Variants in CREBL2 observed in about 807,000 individuals in gnomAD.
The protein encoded by CREBL2 is cAMP responsive element binding protein like 2, also known as cAMP-responsive element-binding protein-like 2.
Under a neutral mutation model 19.5 loss-of-function variants are expected in CREBL2, and 4 were observed. The observed-to-expected ratio is 0.20, with a 90% confidence interval of 0.10 to 0.47. The LOEUF is 0.47. Among genes scored for constraint, CREBL2 ranks in the 20% least tolerant of loss-of-function variants. The pLI is 0.98. For synonymous variants in CREBL2, 42 were observed against 46.6 expected (o/e 0.90, Z 0.40); for missense variants, 85 against 145.1 (o/e 0.59, Z 2.13).
At chr12:12,618,858 C>T (rs1016042063) in intron 1 of CREBL2, among the ~76,000 whole-genome samples, 5 of 152,212 alleles carry the variant, frequency 3.3e-5, no homozygotes, top group African/African-American at 4.8e-5. Flanking sequence ...GCCAACACAG[C>T]GAAACCCCGT....
chr12:12,616,688 G>GTT lies in CREBL2; in HGVS notation c.15+4502_15+4503dup, dbSNP rs1401051252. On this transcript the variant is annotated intron_variant, in intron 1 of 3. Transcript: ENST00000228865. ...CCAGCCCTGCGTTTTCTGTGCCCTA[G>GTT]TTATAATCCCACAAAATTGTACTGT... Among the ~76,000 whole-genome samples, 9 of 152,300 alleles carry GTT rather than the reference G, an allele frequency of 5.9e-5. No homozygotes were observed. In the East Asian group the frequency reaches 1.7e-3, roughly 29 times the overall value.
At chr12:12,641,928 A>T in intron 3 of CREBL2, 66 bp from the exon 4 acceptor site, 1 of 1,234,266 alleles carries the variant, frequency 8.1e-7, no homozygotes, top group Non-Finnish European at 1.1e-6. Flanking sequence ...TATGCATCTT[A>T]AAACAGATTA....
Position 12,643,258 on chromosome 12 carries a change from C to G in CREBL2, c.*1260C>G, listed in dbSNP as rs1344818764. ...TTCCCCTTGCAGCTACACTTACTTTCTCCCTGACTACCAAATGGAGTGACG... is the reference window on the plus strand; with the variant it reads ...TTCCCCTTGCAGCTACACTTACTTTGTCCCTGACTACCAAATGGAGTGACG... On this transcript the variant is annotated 3_prime_UTR_variant, in exon 4 of 4. Coordinates refer to ENST00000228865, the MANE Select transcript of CREBL2 (RefSeq NM_001310.4). 6.6e-6 allele frequency: 1 copy of G among 152,588 alleles called. No individual in the cohort carries two copies. The highest frequency in any genetic ancestry group is 2.4e-5 in the African/African-American group (1 of 41,432). 9.5% of individuals were successfully genotyped at this position (152,588 alleles called of 1,614,324 possible).
At chr12:12,612,575 C>G (rs1006601110) in intron 1 of CREBL2, among the ~76,000 whole-genome samples, 2 of 152,098 alleles carry the variant, frequency 1.3e-5, no homozygotes, top group Non-Finnish European at 2.9e-5. Flanking sequence ...TGACGATTCC[C>G]CTTCTCTCAG....
Position 12,620,170 on chromosome 12 carries a change from G to A in CREBL2, c.15+7983G>A, listed in dbSNP as rs113692222. ...CACTTTCTAGAAGACCAAGACAAAA[G>A]AGCCATGTTGTCTATTAAACAAATC... On this transcript the variant is annotated intron_variant, in intron 1 of 3. Transcript: ENST00000228865. 4.2e-3 allele frequency among the ~76,000 whole-genome samples: 641 copies of A among 152,226 alleles called. 5 individuals carry two copies. The highest frequency in any genetic ancestry group is 0.015 in the African/African-American group (616 of 41,532).
At chr12:12,617,128 C>T (rs1376922794) in intron 1 of CREBL2, among the ~76,000 whole-genome samples, 3 of 152,176 alleles carry the variant, frequency 2.0e-5, no homozygotes, top group Non-Finnish European at 2.9e-5. Context: ...AGCTTTGCCT[C>T]CCAAGTTTCT....
intron 3 of CREBL2, among the ~76,000 whole-genome samples, chr12:12,638,386 A>G (rs554401804): frequency 6.6e-6 from 1 of 152,282 alleles, no homozygotes; most frequent in South Asian, 2.1e-4. Flanking sequence ...GCAGTGAGCT[A>G]AGATCATGCC....
chr12:12,628,159 C>T (rs891976466), intron 1 of CREBL2, among the ~76,000 whole-genome samples: 4 of 151,920 alleles, frequency 2.6e-5, no homozygotes, highest in African/African-American at 7.2e-5. Flanking sequence ...GGATTACAGG[C>T]TAAGCCACCA....
At chr12:12,624,630 G>A (rs995843125) in intron 1 of CREBL2, among the ~76,000 whole-genome samples, 1 of 152,192 alleles carries the variant, frequency 6.6e-6, no homozygotes, top group Non-Finnish European at 1.5e-5. Flanking sequence ...CAGCATCCAG[G>A]TAGGGGTGCC....
chr12:12,617,747 G>C (rs537618149), intron 1 of CREBL2, among the ~76,000 whole-genome samples: 1 of 146,748 alleles, frequency 6.8e-6, no homozygotes, highest in South Asian at 2.2e-4. Flanking sequence ...CAGGACAATA[G>C]TGGAGGGAAG....
At chr12:12,623,610 TAGAG>T (rs1945378255) in intron 1 of CREBL2, among the ~76,000 whole-genome samples, 3 of 152,176 alleles carry the variant, frequency 2.0e-5, no homozygotes, top group South Asian at 2.1e-4. Flanking sequence ...CTTGAGTTGA[TAGAG>T]AGGGTGCCTG....
intron 1 of CREBL2, among the ~76,000 whole-genome samples, chr12:12,631,269 G>A (rs953741627): frequency 5.9e-5 from 9 of 152,196 alleles, no homozygotes; most frequent in Non-Finnish European, 8.8e-5. Flanking sequence ...GTGATTGGAG[G>A]TAGGGAGACA....
chr12:12,626,308 G>A (rs1945401214), intron 1 of CREBL2, among the ~76,000 whole-genome samples: 1 of 152,180 alleles, frequency 6.6e-6, no homozygotes, highest in Non-Finnish European at 1.5e-5. Flanking sequence ...TTTGCAGACT[G>A]ATTTCTGTTT....
chr12:12,621,285 A>T (rs190508793), intron 1 of CREBL2, among the ~76,000 whole-genome samples: 1 of 152,320 alleles, frequency 6.6e-6, no homozygotes, highest in East Asian at 1.9e-4. Flanking sequence ...TTGGGAAGCC[A>T]AGGCGGGCAG....
chr12:12,616,645 A>G (rs1453566886), intron 1 of CREBL2, among the ~76,000 whole-genome samples: 1 of 152,226 alleles, frequency 6.6e-6, no homozygotes, highest in East Asian at 1.9e-4. Context: ...CTGTCCTTAT[A>G]TAAGGCTTTG....
At chr12:12,630,007 C>G (rs962940920) in intron 1 of CREBL2, among the ~76,000 whole-genome samples, 10 of 152,054 alleles carry the variant, frequency 6.6e-5, no homozygotes, top group South Asian at 2.1e-4. Context: ...ATTCAGCCTT[C>G]TAGTATTTTA....
chr12:12,634,532 G>A (rs915231357), intron 1 of CREBL2, among the ~76,000 whole-genome samples: 5 of 151,302 alleles, frequency 3.3e-5, no homozygotes, highest in African/African-American at 4.9e-5. Flanking sequence ...ATATATATAC[G>A]ATTTTATACA....
intron 1 of CREBL2, among the ~76,000 whole-genome samples, chr12:12,621,058 A>G (rs573170302): frequency 6.6e-6 from 1 of 152,234 alleles, no homozygotes; most frequent in Admixed American, 6.5e-5. Context: ...TTGCACAGTA[A>G]AGTAAGTATT....
chr12:12,621,910 A>G (rs1038805350), intron 1 of CREBL2, among the ~76,000 whole-genome samples: 4 of 152,350 alleles, frequency 2.6e-5, no homozygotes, highest in African/African-American at 7.2e-5. Flanking sequence ...AAAAATGCCA[A>G]TGGCTATATG....
Sources: allele counts gnomAD v4.1 joint callset (sites outside exome capture counted in the v4.1 genomes callset), GRCh38; gene constraint gnomAD v4.1.1; transcripts MANE v1.5; gene names NCBI Gene and HGNC (gene_info 2026-07-23, HGNC 2026-07-21).